The following ANXA6 variants were observed in gnomAD, a reference collection of about 807,000 sequenced individuals.
ANXA6 encodes 67 kDa calelectrin.
ANXA6 carries 71 observed loss-of-function variants against 95.4 expected under a neutral mutation model. The ratio of observed to expected loss-of-function variants is 0.74; its 90% confidence interval spans 0.61 to 0.91. The LOEUF (loss-of-function observed/expected upper bound fraction) is 0.91. Ranked by LOEUF, ANXA6 falls within the 40% of genes least tolerant of loss-of-function variation. ANXA6 has a pLI of 0.00. For synonymous variants in ANXA6, 289 were observed against 315.9 expected, an observed-to-expected ratio of 0.91 and a Z score of 0.90; for missense variants, 830 against 876.4, an observed-to-expected ratio of 0.95 and a Z score of 0.67.
chr5:151,135,175 T>C (rs1312292949), intron 7 of ANXA6, among the ~76,000 whole-genome samples: 2 of 152,202 alleles, frequency 1.3e-5, no homozygotes, highest in African/African-American at 4.8e-5. Context: ...CCCTGGATTG[T>C]GCATTCCAGG....
intron 14 of ANXA6, among the ~76,000 whole-genome samples, chr5:151,125,550 T>C (rs1002145744): frequency 6.6e-6 from 1 of 152,118 alleles, no homozygotes; most frequent in African/African-American, 2.4e-5. Context: ...AGCTTTCTCT[T>C]TGTGAAAAAG....
chr5:151,150,725 G>T (rs559418382), intron 1 of ANXA6, among the ~76,000 whole-genome samples: 5 of 152,328 alleles, frequency 3.3e-5, no homozygotes, highest in Admixed American at 2.0e-4. Context: ...TTTCCAGTGT[G>T]TGGTGGGGGG....
rs200015828 is a variant in ANXA6, at chr5:151,117,140, C to T, written c.1559G>A (p.Arg520Gln). 9.3e-4 allele frequency: 1,482 copies of T among 1,591,348 alleles called. 4 individuals are homozygous for T. The highest frequency in any genetic ancestry group is 2.5e-3 in the Middle Eastern group (15 of 5,986). ...TGGGGGTCTTACCTGGGCATCTTCC[C>T]GTGCCTGGTCCAGGTTTTCTCCTCC... ...EEGGENLDQA[R>Q]EDAQVAAEIL... Residue 520 changes from arginine to glutamine, a missense_variant, in exon 20 of 26, where the codon CGG (arginine) becomes CAG (glutamine). Coordinates refer to ENST00000354546, the MANE Select transcript of ANXA6 (RefSeq NM_001155.5).
chr5:151,137,589 C>A (rs57908704), intron 5 of ANXA6, among the ~76,000 whole-genome samples: 1 of 152,086 alleles, frequency 6.6e-6, no homozygotes, highest in South Asian at 2.1e-4. Flanking sequence ...ATCATGGGGG[C>A]GGTTTCTCAT....
At chr5:151,157,433 A>G (rs1298239230) in intron 1 of ANXA6, among the ~76,000 whole-genome samples, 2 of 147,488 alleles carry the variant, frequency 1.4e-5, no homozygotes, top group African/African-American at 2.5e-5. Flanking sequence ...CAGCAACGGG[A>G]CTCCCTCCCC....
At chr5:151,115,490 C>T (rs1165061202) in intron 20 of ANXA6, among the ~76,000 whole-genome samples, 1 of 150,598 alleles carries the variant, frequency 6.6e-6, no homozygotes, top group African/African-American at 2.5e-5. Flanking sequence ...CACCACTGCC[C>T]CCTGCTAGCG....
rs187820680 is a variant in ANXA6, at chr5:151,138,848, G to A, written c.205-57C>T. The A allele has an allele frequency of 4.1e-5, 50 of 1,220,268 alleles. No individual in the cohort carries two copies. In the Admixed American group the frequency reaches 5.9e-4, roughly 14 times the overall value. 75.6% of individuals were successfully genotyped at this position (1,220,268 alleles called of 1,614,324 possible). ...AGGAAAGAGGAAGAGTAGTTACAAC[G>A]GTAAGAATTACACTTAATGAGCACT... On this transcript the variant is annotated intron_variant, in intron 4 of 25. Coordinates refer to ENST00000354546, the MANE Select transcript of ANXA6 (RefSeq NM_001155.5).
intron 11 of ANXA6, among the ~76,000 whole-genome samples, chr5:151,130,009 T>C (rs1229040474): frequency 2.6e-5 from 4 of 152,194 alleles, no homozygotes; most frequent in Non-Finnish European, 4.4e-5. Context: ...GCCCTCTCAC[T>C]GTTATAAACC....
chr5:151,128,946 CA>C (rs372400204), intron 12 of ANXA6, among the ~76,000 whole-genome samples: 2,896 of 127,742 alleles, frequency 0.023, 41 homozygotes, highest in Middle Eastern at 0.043. Context: ...TTCAGTCATC[CA>C]AAAAAAAAAA....
At chr5:151,142,860 A>G (rs1420458819) in intron 2 of ANXA6, among the ~76,000 whole-genome samples, 3 of 152,208 alleles carry the variant, frequency 2.0e-5, no homozygotes, top group African/African-American at 7.2e-5. Flanking sequence ...AAGCTTTGAA[A>G]GATGCCACCA....
chr5:151,101,365 T>C lies in ANXA6; in HGVS notation c.*83A>G. 2.1e-6 allele frequency: 1 copy of C among 485,446 alleles called. No homozygotes were observed. The highest frequency in any genetic ancestry group is 3.8e-6 in the Non-Finnish European group (1 of 262,982). The allele number at this position is 485,446 out of a possible 1,614,324, so 30.1% of individuals were successfully genotyped here. A position where few individuals can be genotyped will look rare whatever the true frequency, so the allele number is the denominator to read the frequency against. On this transcript the variant is annotated 3_prime_UTR_variant, in exon 26 of 26. Transcript: ENST00000354546. ...CCACCCCTGCCCCTTCCTTAGTCTC[T>C]GGAGCTGGAACAATCAGGCTTGGCC...
At chr5:151,117,310 C>A in intron 19 of ANXA6, 130 bp from the exon 20 acceptor site, 1 of 869,408 alleles carries the variant, frequency 1.2e-6, no homozygotes, top group Non-Finnish European at 1.7e-6. Context: ...GGACGAAAAT[C>A]CTGCCTCTAT....
intron 2 of ANXA6, among the ~76,000 whole-genome samples, chr5:151,142,444 T>C (rs917984722): frequency 6.6e-6 from 1 of 151,748 alleles, no homozygotes; most frequent in African/African-American, 2.4e-5. Flanking sequence ...CATCACTGCA[T>C]TCCAGCCTGG....
At chr5:151,127,787 C>T (rs1276199593) in intron 13 of ANXA6, among the ~76,000 whole-genome samples, 1 of 152,214 alleles carries the variant, frequency 6.6e-6, no homozygotes, top group African/African-American at 2.4e-5. Context: ...AGGCACTTAA[C>T]ACAAATATGC....
At chr5:151,117,892 G>A (rs980483376) in intron 18 of ANXA6, 55 bp from the exon 19 acceptor site, 33 of 1,464,856 alleles carry the variant, frequency 2.3e-5, no homozygotes, top group East Asian at 9.2e-5. Flanking sequence ...ATTTGGTTGC[G>A]GGGAGGGAGG....
At chr5:151,140,912 C>T (rs1765817737) in intron 2 of ANXA6, among the ~76,000 whole-genome samples, 1 of 152,246 alleles carries the variant, frequency 6.6e-6, no homozygotes, top group African/African-American at 2.4e-5. Context: ...CCGCTCTGCT[C>T]TCCAGCTCCA....
At chr5:151,110,386 C>T (rs1764815977) in intron 21 of ANXA6, among the ~76,000 whole-genome samples, 3 of 152,124 alleles carry the variant, frequency 2.0e-5, no homozygotes, top group African/African-American at 7.2e-5. Context: ...AAGAGTGAGT[C>T]GATTTAAAGA....
intron 20 of ANXA6, among the ~76,000 whole-genome samples, chr5:151,111,701 G>A (rs1028145576): frequency 2.0e-5 from 3 of 152,210 alleles, no homozygotes; most frequent in Non-Finnish European, 4.4e-5. Flanking sequence ...CGATTCTCCT[G>A]CCTCAGCCTC....
chr5:151,140,391 G>A (rs758556303), intron 2 of ANXA6, 148 bp from the exon 3 acceptor site: 57 of 679,968 alleles, frequency 8.4e-5, no homozygotes, highest in Admixed American at 1.4e-4. Flanking sequence ...CCTGGGGAGC[G>A]GTGTGGATGA....
Sources: gnomAD v4.1 joint callset for allele counts (sites outside exome capture counted in the v4.1 genomes callset) on GRCh38, gnomAD v4.1.1 for gene constraint, MANE v1.5 for transcripts, NCBI Gene and HGNC (gene_info 2026-07-23, HGNC 2026-07-21) for gene names.